The following DLGAP1 variants were observed in gnomAD, a reference collection of about 807,000 sequenced individuals.
DLGAP1 encodes the protein disks large-associated protein 1.
In DLGAP1, 11 loss-of-function variants were observed where a neutral mutation model predicts 90.8. The observed-to-expected ratio is 0.12, with a 90% CI of 0.08 to 0.20. The LOEUF (loss-of-function observed/expected upper bound fraction) is 0.20, where lower values mean the gene tolerates loss of function less well. DLGAP1 is among the 10% of genes least tolerant of loss of function. The probability of loss-of-function intolerance (pLI) is 1.00; values close to 1 mark genes in which losing one functional copy is unlikely to be tolerated. For missense variants in DLGAP1, 1,050 were observed against 1,333.8 expected (o/e 0.79, Z 3.31); for synonymous variants, 558 against 540.7 (o/e 1.03, Z -0.44).
intron 7 of DLGAP1, among the ~76,000 whole-genome samples, chr18:3,665,298 G>T (rs1291495743): frequency 1.4e-5 from 2 of 142,878 alleles, no homozygotes; most frequent in East Asian, 4.1e-4. Flanking sequence ...AAAAATGGAA[G>T]AAATAATTGC....
rs200727869 is a variant in DLGAP1, at chr18:3,655,570, G to GT, written c.1592-73323dup. The GT allele has an allele frequency of 3.7e-3, 558 of 152,734 alleles. 28 individuals carry two copies. In the South Asian group the frequency reaches 0.087, roughly 24 times the overall value. 9.5% of individuals were successfully genotyped at this position (152,734 alleles called of 1,614,324 possible). A position where few individuals can be genotyped will look rare whatever the true frequency, so the allele number is the denominator to read the frequency against. On this transcript the variant is annotated intron_variant, in intron 7 of 12. Coordinates refer to ENST00000315677, the MANE Select transcript of DLGAP1 (RefSeq NM_004746.4). The stretch of plus-strand genomic sequence containing the variant: ...AACTTGGTCTTCACTATGCCTCATA[G>GT]TGGTGGGTCACACTGCCCAGGAGGA...
At chr18:4,445,441 T>C (rs1298237853) in intron 1 of DLGAP1, among the ~76,000 whole-genome samples, 7 of 81,956 alleles carry the variant, frequency 8.5e-5, no homozygotes, top group East Asian at 4.4e-4. Flanking sequence ...ATGCTATCCC[T>C]CCCCCCTCCC....
At chr18:3,786,335 G>A (rs922971263) in intron 5 of DLGAP1, among the ~76,000 whole-genome samples, 6 of 152,082 alleles carry the variant, frequency 3.9e-5, no homozygotes, top group African/African-American at 9.7e-5. Flanking sequence ...TTATGATGAC[G>A]ATGATGATGA....
At chr18:3,777,327 C>T (rs1222788462) in intron 5 of DLGAP1, among the ~76,000 whole-genome samples, 2 of 152,126 alleles carry the variant, frequency 1.3e-5, no homozygotes, top group East Asian at 1.9e-4. Flanking sequence ...TGATAAAATG[C>T]ATCCTCCACA....
intron 10 of DLGAP1, among the ~76,000 whole-genome samples, chr18:3,522,399 A>C (rs1189676247): frequency 6.6e-6 from 1 of 151,798 alleles, no homozygotes; most frequent in Non-Finnish European, 1.5e-5. Flanking sequence ...AGCCTCTCAA[A>C]GTGCTGGGAT....
chr18:4,231,851 G>A (rs887697335), intron 1 of DLGAP1, among the ~76,000 whole-genome samples: 3 of 152,098 alleles, frequency 2.0e-5, no homozygotes, highest in African/African-American at 7.2e-5. Flanking sequence ...AACATTAAAT[G>A]TCTACAAGAT....
intron 2 of DLGAP1, among the ~76,000 whole-genome samples, chr18:4,122,242 G>T (rs776053829): frequency 6.6e-6 from 1 of 152,188 alleles, no homozygotes; most frequent in East Asian, 1.9e-4. Flanking sequence ...AGCAGGAGGG[G>T]TTATAGGAGG....
At chr18:3,646,651 A>G (rs551257825) in intron 7 of DLGAP1, among the ~76,000 whole-genome samples, 38 of 152,062 alleles carry the variant, frequency 2.5e-4, no homozygotes, top group African/African-American at 2.2e-4. Flanking sequence ...ACAGCCGGGC[A>G]CGGTGGCTCA....
rs141657556 is a variant in DLGAP1 at position 3,943,240 on chromosome 18, G to A, written c.-73+61876C>T. On this transcript the variant is annotated intron_variant, in intron 3 of 12. Coordinates refer to ENST00000315677, the MANE Select transcript of DLGAP1 (RefSeq NM_004746.4). The stretch of plus-strand genomic sequence containing the variant: ...TTCCATGGATCAAGGAGGTTAAATT[G>A]ACAAATAACTGTTTTTGAAAGAAGA... Among the ~76,000 whole-genome samples the A allele has an allele frequency of 1.5e-4, 23 of 152,128 alleles. No homozygotes were observed. In the East Asian group the frequency reaches 4.3e-3, roughly 28 times the overall value.
At chr18:4,299,238 A>C (rs2080065764) in intron 1 of DLGAP1, among the ~76,000 whole-genome samples, 1 of 152,142 alleles carries the variant, frequency 6.6e-6, no homozygotes, top group Non-Finnish European at 1.5e-5. Flanking sequence ...CAAACCACAA[A>C]ACATACTCTG....
At chr18:4,374,931 A>G (rs1258819674) in intron 1 of DLGAP1, among the ~76,000 whole-genome samples, 1 of 152,146 alleles carries the variant, frequency 6.6e-6, no homozygotes, top group Non-Finnish European at 1.5e-5. Context: ...AAATGGACAA[A>G]TTTTAACTAT....
At position 4,067,742 on chromosome 18, in the gene DLGAP1, C is replaced by A. The variant is rs540304147; in HGVS notation, c.-158-62541G>T. On this transcript the variant is annotated intron_variant, in intron 2 of 12. Transcript: ENST00000315677. ...TCTTTAGATAATATTAATAACTTAA[C>A]CCCTTCAAGCAATTGCCAATTAGAA... Among the ~76,000 whole-genome samples, 111 of 152,144 alleles carry A rather than the reference C, an allele frequency of 7.3e-4. 1 individual carries two copies. Among genetic ancestry groups the A allele is most frequent in the African/African-American group, 2.3e-3 (97 of 41,510 alleles).
At chr18:3,593,535 G>A (rs1243168270) in intron 7 of DLGAP1, among the ~76,000 whole-genome samples, 1 of 152,134 alleles carries the variant, frequency 6.6e-6, no homozygotes, top group East Asian at 1.9e-4. Context: ...GAAACCACAA[G>A]ATGACTCGCT....
At chr18:3,818,245 A>G (rs548661602) in intron 4 of DLGAP1, among the ~76,000 whole-genome samples, 44 of 151,974 alleles carry the variant, frequency 2.9e-4, no homozygotes, top group African/African-American at 1.1e-3. Context: ...AACTGAAACC[A>G]TATGTTATCA....
intron 1 of DLGAP1, among the ~76,000 whole-genome samples, chr18:4,354,336 T>A (rs759582880): frequency 8.5e-5 from 13 of 152,124 alleles, no homozygotes; most frequent in Non-Finnish European, 1.9e-4. Context: ...CATAGAGAAA[T>A]CTGACCTATC....
intron 4 of DLGAP1, among the ~76,000 whole-genome samples, chr18:3,823,148 G>A (rs150979977): frequency 7.5e-4 from 114 of 152,222 alleles, no homozygotes; most frequent in African/African-American, 2.6e-3. Flanking sequence ...TCCTCAATTC[G>A]AGGTCCATGT....
At chr18:4,209,791 A>G (rs1157291) in intron 1 of DLGAP1, among the ~76,000 whole-genome samples, 1 of 152,174 alleles carries the variant, frequency 6.6e-6, no homozygotes, top group African/African-American at 2.4e-5. Context: ...GAGTGAATAT[A>G]ATAGTGTATA....
At chr18:3,644,858 T>C (rs1266345819) in intron 7 of DLGAP1, among the ~76,000 whole-genome samples, 1 of 150,336 alleles carries the variant, frequency 6.7e-6, no homozygotes, top group African/African-American at 2.5e-5. Context: ...TAGAAAGTTC[T>C]CTATGGAAAT....
intron 2 of DLGAP1, among the ~76,000 whole-genome samples, chr18:4,018,097 G>A (rs2074551861): frequency 6.6e-6 from 1 of 152,124 alleles, no homozygotes; most frequent in African/African-American, 2.4e-5. Flanking sequence ...GAAATAGCAG[G>A]GACTGTGAAG....
Sources: gnomAD v4.1 joint callset for allele counts (sites outside exome capture counted in the v4.1 genomes callset) on GRCh38, gnomAD v4.1.1 for gene constraint, MANE v1.5 for transcripts, NCBI Gene and HGNC (gene_info 2026-07-23, HGNC 2026-07-21) for gene names.